ZDBF2: variants seen among roughly 807,000 people sequenced by gnomAD.
ZDBF2 encodes the protein zinc finger DBF-type containing 2.
In ZDBF2, 6 loss-of-function variants were observed where a neutral mutation model predicts 9.4. That is an observed-to-expected ratio of 0.64 (90% CI 0.35 to 1.27). The LOEUF is 1.27. Among genes scored for constraint, ZDBF2 ranks in the 50% most tolerant of loss-of-function variants. The pLI is 0.03. For synonymous variants in ZDBF2, 905 were observed against 946.3 expected (o/e 0.96, Z 0.80); for missense variants, 2,697 against 2,766.8 (o/e 0.97, Z 0.57).
At chr2:206,292,554 A>G (rs1231533701) in intron 3 of ZDBF2, among the ~76,000 whole-genome samples, 1 of 152,158 alleles carries the variant, frequency 6.6e-6, no homozygotes, top group Non-Finnish European at 1.5e-5. Flanking sequence ...AAGGAAAGAA[A>G]AATAAAAATG....
Position 206,306,176 on chromosome 2 carries a change from G to T in ZDBF2, c.1648G>T (p.Val550Phe), listed in dbSNP as rs758666139. Residue 550 changes from valine to phenylalanine, a missense_variant, in exon 5 of 5, where the codon GTT becomes TTT. Physicochemically the swap from Val to Phe is conservative, Grantham distance 50. This residue lies in a region of ZDBF2 where 910 missense variants were observed against 973.6 expected (regional missense o/e 0.93). Transcript: ENST00000374423. ...ADSVFPLQSV[V>F]DRPPVAVTET... ...TTCTGTTTTCCCACTGCAGTCAGTG[G>T]TTGACAGACCCCCAGTGGCTGTCAC... 4 of 1,613,688 alleles carry T rather than the reference G, an allele frequency of 2.5e-6. No homozygotes were observed. Among genetic ancestry groups the T allele is most frequent in the Non-Finnish European group, 3.4e-6 (4 of 1,179,794 alleles).
chr2:206,301,707 A>C (rs1225888195), intron 4 of ZDBF2, among the ~76,000 whole-genome samples: 1 of 152,030 alleles, frequency 6.6e-6, no homozygotes, highest in Non-Finnish European at 1.5e-5. Context: ...TTGTCTAGAC[A>C]TTGTAAATTT....
chr2:206,275,108 C>G (rs753123254), intron 1 of ZDBF2, among the ~76,000 whole-genome samples, 162 bp downstream of exon 1: 15 of 152,092 alleles, frequency 9.9e-5, no homozygotes, highest in African/African-American at 1.2e-4. Flanking sequence ...CCCCGCGTCC[C>G]TTTCTGCCCC....
chr2:206,295,363 C>CT (rs571707187), intron 3 of ZDBF2, among the ~76,000 whole-genome samples: 4,946 of 110,992 alleles, frequency 0.045, 175 homozygotes, highest in Non-Finnish European at 0.054. Context: ...CTTTTCTTTT[C>CT]TTTTTTTTTT....
In ZDBF2 at chr2:206,310,215, G is replaced by C; in HGVS notation, c.5687G>C (p.Ser1896Thr). 1 of 1,613,968 alleles carries C rather than the reference G, an allele frequency of 6.2e-7. No individual in the cohort carries two copies. Among genetic ancestry groups the C allele is most frequent in the Non-Finnish European group, 8.5e-7 (1 of 1,179,884 alleles). The stretch of plus-strand genomic sequence containing the variant: ...GCACCAACTCAAGCTGTGTCAGAGA[G>C]TGATGATATTGTCTGTGGTATTTCA... ...DTAPTQAVSE[S>T]DDIVCGISDI... is the part of the protein sequence containing the mutation. Residue 1896 changes from serine (S) to threonine (T), a missense_variant, in exon 5 of 5, where the codon AGT (serine) becomes ACT (threonine). Physicochemically the swap from Ser to Thr is moderately conservative, Grantham distance 58 (BLOSUM62 1). Coordinates refer to ENST00000374423, the MANE Select transcript of ZDBF2 (RefSeq NM_020923.3).
At chr2:206,303,035 A>G (rs1692583227) in intron 4 of ZDBF2, among the ~76,000 whole-genome samples, 1 of 152,124 alleles carries the variant, frequency 6.6e-6, no homozygotes, top group Non-Finnish European at 1.5e-5. Context: ...TATATTTGTT[A>G]TAAGTAATGA....
chr2:206,310,140 A>AG lies in ZDBF2; in HGVS notation c.5616dup (p.Lys1873GlufsTer8), dbSNP rs762226085. 1.2e-6 allele frequency: 2 copies of AG among 1,613,308 alleles called. No individual in the cohort carries two copies. Among genetic ancestry groups the AG allele is most frequent in the African/African-American group, 1.3e-5 (1 of 74,842 alleles). On this transcript the variant is annotated frameshift_variant, in exon 5 of 5. Transcript: ENST00000374423. LOFTEE classifies it low-confidence loss of function (END_TRUNC). ...TGTGAGACCAAAAAAGTTTCTTCGA[A>AG]GGGGAAAAAAAAGGTTACCTGGGCT...
intron 3 of ZDBF2, among the ~76,000 whole-genome samples, chr2:206,295,925 T>G (rs1348096758): frequency 6.6e-6 from 1 of 152,172 alleles, no homozygotes; most frequent in Non-Finnish European, 1.5e-5. Context: ...ATTTTAATTT[T>G]GTGTTTAAGT....
chr2:206,282,891 T>A (rs1393562621), intron 3 of ZDBF2, among the ~76,000 whole-genome samples: 1 of 152,222 alleles, frequency 6.6e-6, no homozygotes, highest in Non-Finnish European at 1.5e-5. Context: ...CACCAGCCCC[T>A]GGCAACCGCT....
intron 4 of ZDBF2, among the ~76,000 whole-genome samples, chr2:206,302,452 AGCATCCAGAT>A (rs1692555301): frequency 6.6e-6 from 1 of 152,244 alleles, no homozygotes; most frequent in African/African-American, 2.4e-5. Flanking sequence ...TGCAGATCAA[AGCATCCAGAT>A]GGCAGTTCAT....
At position 206,309,412 on chromosome 2, in the gene ZDBF2, T is replaced by C. The variant is rs202115935; in HGVS notation, c.4884T>C (p.Asn1628=). The C allele has an allele frequency of 1.3e-4, 210 of 1,613,904 alleles. No homozygotes were observed. The highest frequency in any genetic ancestry group is 1.3e-4 in the East Asian group (6 of 44,890). The change falls in exon 5 of 5, where the codon AAT becomes AAC. Residue 1628 remains asparagine (N), a synonymous_variant. Coordinates refer to ENST00000374423, the MANE Select transcript of ZDBF2 (RefSeq NM_020923.3). ...CTTGTGGTTCTGAAATGAATTTTAA[T>C]GTTGATGCCTCTGATCAGTCCATGA... The part of the protein sequence containing the change: ...CQSCGSEMNF[N]VDASDQSMTY...
chr2:206,300,423 A>G (rs569953153), intron 4 of ZDBF2, among the ~76,000 whole-genome samples: 1 of 152,306 alleles, frequency 6.6e-6, no homozygotes, highest in African/African-American at 2.4e-5. Flanking sequence ...TGGCCAGTTA[A>G]TTTATAGGAT....
Position 206,311,137 on chromosome 2 carries a change from A to C in ZDBF2, c.6609A>C (p.Lys2203Asn). Residue 2203 changes from lysine to asparagine, a missense_variant, in exon 5 of 5, where the codon AAA (lysine) becomes AAC (asparagine). This residue lies in a region of ZDBF2 where 1,783 missense variants were observed against 1,776.5 expected (regional missense o/e 1.00). Coordinates refer to ENST00000374423, the MANE Select transcript of ZDBF2 (RefSeq NM_020923.3). ...ATAAACCAATTATTCTCCAGCAAAA[A>C]CCCAGAAAAGCTTCAGAGAAACAGT... ...KVYKPIILQQ[K>N]PRKASEKQSI... is the part of the protein sequence containing the mutation. 1 of 1,613,776 alleles carries C rather than the reference A, an allele frequency of 6.2e-7. No homozygotes were observed. Among genetic ancestry groups the C allele is most frequent in the Non-Finnish European group, 8.5e-7 (1 of 1,179,860 alleles).
chr2:206,282,019 CTA>C, intron 3 of ZDBF2, 110 bp downstream of exon 3: 1 of 1,014,002 alleles, frequency 9.9e-7, no homozygotes, highest in South Asian at 1.8e-5. Flanking sequence ...TATTGGGAAT[CTA>C]TTAGTTGGCA....
At chr2:206,285,829 G>C (rs533058193) in intron 3 of ZDBF2, among the ~76,000 whole-genome samples, 1 of 152,142 alleles carries the variant, frequency 6.6e-6, no homozygotes, top group Non-Finnish European at 1.5e-5. Flanking sequence ...TTTGTGTATG[G>C]TGAGAGATAG....
At chr2:206,278,526 G>A (rs1433840706) in intron 1 of ZDBF2, among the ~76,000 whole-genome samples, 3 of 152,134 alleles carry the variant, frequency 2.0e-5, no homozygotes, top group African/African-American at 7.2e-5. Flanking sequence ...TCTTTAGTAT[G>A]CTTTTGAATA....
intron 1 of ZDBF2, among the ~76,000 whole-genome samples, chr2:206,275,489 G>C (rs1427930766): frequency 1.3e-5 from 2 of 152,136 alleles, no homozygotes; most frequent in African/African-American, 2.4e-5. Flanking sequence ...TACTACCGCC[G>C]TGCAACAGTT....
chr2:206,280,832 TCATAA>T (rs1171933582), intron 2 of ZDBF2, among the ~76,000 whole-genome samples: 2 of 152,226 alleles, frequency 1.3e-5, no homozygotes, highest in Non-Finnish European at 2.9e-5. Context: ...GCAGAAATTC[TCATAA>T]CATGTTATAG....
intron 3 of ZDBF2, among the ~76,000 whole-genome samples, chr2:206,287,184 A>G (rs1691647248): frequency 6.6e-6 from 1 of 151,956 alleles, no homozygotes. Context: ...ATACTTTTGG[A>G]TGTTTTTGTG....
Sources: gnomAD v4.1 joint callset for allele counts (sites outside exome capture counted in the v4.1 genomes callset) on GRCh38, gnomAD v4.1.1 for gene constraint, gnomAD v4.1.1 regional missense constraint, MANE v1.5 for transcripts, NCBI Gene and HGNC (gene_info 2026-07-23, HGNC 2026-07-21) for gene names.